TPTE: variants seen among roughly 807,000 people sequenced by gnomAD.
TPTE encodes transmembrane phosphatase with tensin homology.
TPTE carries 59 observed loss-of-function variants against 84.1 expected under a neutral mutation model. The ratio of observed to expected loss-of-function variants is 0.70; its 90% CI spans 0.57 to 0.87. TPTE has a LOEUF of 0.87. Among genes scored for constraint, TPTE ranks in the 40% least tolerant of loss-of-function variants. The pLI is 0.00. For synonymous variants in TPTE, 130 were observed against 223.5 expected, an observed-to-expected ratio of 0.58 and a Z score of 3.73; for missense variants, 382 against 659.6, an observed-to-expected ratio of 0.58 and a Z score of 4.61.
At chr21:10,532,186 T>G (rs1344541738) in intron 3 of TPTE, among the ~76,000 whole-genome samples, 2 of 152,304 alleles carry the variant, frequency 1.3e-5, no homozygotes, top group Non-Finnish European at 2.9e-5. Context: ...ACTAGGTTGA[T>G]TTCTTTGTTA....
intron 5 of TPTE, among the ~76,000 whole-genome samples, chr21:10,542,038 G>C (rs371760358): frequency 0.091 from 13,448 of 147,606 alleles, 6 homozygotes; most frequent in African/African-American, 0.22. Flanking sequence ...AGCTAATGGA[G>C]GGCCTTTTAA....
intron 8 of TPTE, among the ~76,000 whole-genome samples, chr21:10,558,418 T>G (rs1246127531): frequency 6.6e-6 from 1 of 152,312 alleles, no homozygotes; most frequent in East Asian, 1.9e-4. Context: ...GCATCTGTTA[T>G]TTTTTGACTT....
At chr21:10,548,975 A>T (rs1255208374) in intron 7 of TPTE, among the ~76,000 whole-genome samples, 1 of 152,310 alleles carries the variant, frequency 6.6e-6, no homozygotes, top group Non-Finnish European at 1.5e-5. Context: ...GCCATACTCC[A>T]AGTTTTCTGA....
At chr21:10,548,713 GGT>G in intron 7 of TPTE, among the ~76,000 whole-genome samples, 1 of 152,308 alleles carries the variant, frequency 6.6e-6, no homozygotes, top group African/African-American at 2.4e-5. Context: ...CTATATATTT[GGT>G]CCATGAGTTT....
chr21:10,541,450 G>T (rs779588994), intron 5 of TPTE, among the ~76,000 whole-genome samples: 1,132 of 151,810 alleles, frequency 7.5e-3, no homozygotes, highest in Non-Finnish European at 0.012. Context: ...TCCACCCTGG[G>T]CAGCAGGAGC....
intron 1 of TPTE, among the ~76,000 whole-genome samples, chr21:10,524,024 C>G (rs930509265): frequency 1.3e-5 from 2 of 152,310 alleles, no homozygotes; most frequent in Non-Finnish European, 2.9e-5. Flanking sequence ...TCTGTGCAGT[C>G]TTGGGCCAAG....
intron 3 of TPTE, among the ~76,000 whole-genome samples, chr21:10,538,264 A>G (rs1024084576): frequency 6.6e-6 from 1 of 152,312 alleles, no homozygotes; most frequent in Non-Finnish European, 1.5e-5. Context: ...CTTGACTCAG[A>G]CCTGCAGTTA....
intron 8 of TPTE, among the ~76,000 whole-genome samples, chr21:10,555,400 G>A (rs1308810237): frequency 6.6e-6 from 1 of 152,300 alleles, no homozygotes; most frequent in East Asian, 1.9e-4. Flanking sequence ...TAGAGATGGA[G>A]TTTCACCACG....
At chr21:10,562,146 C>T (rs113822612) in intron 10 of TPTE, among the ~76,000 whole-genome samples, 1 of 152,430 alleles carries the variant, frequency 6.6e-6, no homozygotes, top group African/African-American at 2.4e-5. Flanking sequence ...TAAGGCAGTA[C>T]CACTATGAGT....
chr21:10,599,656 C>T (rs1178690806), intron 21 of TPTE, among the ~76,000 whole-genome samples: 26 of 152,336 alleles, frequency 1.7e-4, no homozygotes, highest in African/African-American at 6.3e-4. Context: ...CAACGTCACT[C>T]TTATTTCCTT....
chr21:10,559,388 T>A, intron 8 of TPTE, 106 bp from the exon 9 acceptor site: 1 of 1,514,970 alleles, frequency 6.6e-7, no homozygotes, highest in Non-Finnish European at 8.9e-7. Context: ...AACTTCTGAA[T>A]AATTTTCTTT....
At chr21:10,583,208 T>C (rs534210852) in intron 17 of TPTE, among the ~76,000 whole-genome samples, 25 of 152,352 alleles carry the variant, frequency 1.6e-4, no homozygotes, top group Non-Finnish European at 2.8e-4. Flanking sequence ...ACTGGTATTG[T>C]AGACTTCAAG....
At chr21:10,522,743 C>T (rs539931284) in intron 1 of TPTE, among the ~76,000 whole-genome samples, 355 of 152,234 alleles carry the variant, frequency 2.3e-3, no homozygotes, top group African/African-American at 8.4e-3. Flanking sequence ...AATTTTAATT[C>T]GCACATAATA....
chr21:10,521,976 G>A (rs2073986112), intron 1 of TPTE, among the ~76,000 whole-genome samples: 2 of 152,010 alleles, frequency 1.3e-5, no homozygotes, highest in South Asian at 2.1e-4. Flanking sequence ...AACCCGGCCG[G>A]CCTGAGTGGT....
At chr21:10,542,994 G>A (rs1213492786) in intron 6 of TPTE, among the ~76,000 whole-genome samples, 14 of 148,928 alleles carry the variant, frequency 9.4e-5, no homozygotes, top group African/African-American at 2.5e-4. Context: ...TTAGAATCGC[G>A]TCTCCTATCT....
At chr21:10,550,048 A>G (rs538949489) in intron 7 of TPTE, among the ~76,000 whole-genome samples, 36 of 152,406 alleles carry the variant, frequency 2.4e-4, no homozygotes, top group African/African-American at 7.9e-4. Flanking sequence ...TCAGCCAAGA[A>G]TATTATAGCC....
At chr21:10,545,416 A>G (rs1289005980) in intron 7 of TPTE, among the ~76,000 whole-genome samples, 3 of 152,306 alleles carry the variant, frequency 2.0e-5, no homozygotes, top group Non-Finnish European at 2.9e-5. Context: ...GCCAGTTTAT[A>G]AATGTAGAGC....
intron 14 of TPTE, among the ~76,000 whole-genome samples, chr21:10,571,577 A>T (rs571143371): frequency 6.6e-6 from 1 of 152,296 alleles, no homozygotes; most frequent in Admixed American, 6.5e-5. Flanking sequence ...ACTATGAGAT[A>T]CAGAGAATTC....
intron 13 of TPTE, 61 bp downstream of exon 13, chr21:10,569,807 T>C: frequency 6.2e-7 from 1 of 1,613,938 alleles, no homozygotes; most frequent in South Asian, 1.1e-5. Flanking sequence ...TAATTGTATT[T>C]TTTTTTGCCT....
Sources: allele counts gnomAD v4.1 joint callset (sites outside exome capture counted in the v4.1 genomes callset), GRCh38; gene constraint gnomAD v4.1.1; transcripts MANE v1.5; gene names NCBI Gene and HGNC (gene_info 2026-07-23, HGNC 2026-07-21).